Variants in ATP2B2 observed in about 807,000 individuals in gnomAD.
ATP2B2 encodes the protein plasma membrane calcium-transporting ATPase 2.
A neutral mutation model predicts 120.0 loss-of-function variants in ATP2B2; 15 were observed. The observed-to-expected ratio is 0.12, with a 90% CI of 0.08 to 0.19. ATP2B2 has a LOEUF of 0.19. Among genes scored for constraint, ATP2B2 ranks in the 10% least tolerant of loss-of-function variants. The pLI is 1.00. For missense variants in ATP2B2, 1,045 were observed against 1,719.8 expected, an observed-to-expected ratio of 0.61 and a Z score of 6.94; for synonymous variants, 694 against 700.3, an observed-to-expected ratio of 0.99 and a Z score of 0.14.
intron 1 of ATP2B2, among the ~76,000 whole-genome samples, chr3:10,479,075 A>G (rs1400127857): frequency 7.0e-6 from 1 of 143,832 alleles, no homozygotes; most frequent in Non-Finnish European, 1.5e-5. Flanking sequence ...AGGAACTGTG[A>G]GTCAATTAAA....
At chr3:10,558,426 G>A (rs1248029220) in intron 2 of ATP2B2, among the ~76,000 whole-genome samples, 1 of 152,136 alleles carries the variant, frequency 6.6e-6, no homozygotes, top group African/African-American at 2.4e-5. Flanking sequence ...GCTAAGCTAG[G>A]AAGTCACCTA....
At chr3:10,404,663 G>A (rs536337103) in intron 3 of ATP2B2, among the ~76,000 whole-genome samples, 1 of 152,320 alleles carries the variant, frequency 6.6e-6, no homozygotes, top group African/African-American at 2.4e-5. Flanking sequence ...TACAGAAGGA[G>A]CTCCTGCTGG....
intron 2 of ATP2B2, among the ~76,000 whole-genome samples, chr3:10,601,469 TGA>T (rs1289610533): frequency 2.0e-5 from 3 of 152,172 alleles, no homozygotes; most frequent in African/African-American, 7.2e-5. Flanking sequence ...AGGCTGGCTG[TGA>T]GAGTCTCCCC....
intron 1 of ATP2B2, among the ~76,000 whole-genome samples, chr3:10,462,458 A>T (rs1185078000): frequency 6.6e-6 from 1 of 152,198 alleles, no homozygotes; most frequent in African/African-American, 2.4e-5. Context: ...CTCTAGCCTT[A>T]CATCCTCCTT....
At chr3:10,394,460 C>T (rs756434279) in intron 5 of ATP2B2, 3 of 471,126 alleles carry the variant, frequency 6.4e-6, no homozygotes, top group Admixed American at 2.3e-5. Context: ...CAGGGTCACA[C>T]AGCTGTGAGT....
rs759387654 is a variant in ATP2B2 at position 10,358,826 on chromosome 3, A to G, written c.2001T>C (p.Asp667=). ...VKKVIEPMAC[D]GLRTICVAYR... ...AGGCCACGCAGATAGTGCGGAGCCC[A>G]TCGCAAGCCATGGGCTCAATCACCT... Residue 667 remains aspartate (D), a synonymous_variant, in exon 14 of 23, where the codon GAT becomes GAC. Coordinates refer to ENST00000360273, the MANE Select transcript of ATP2B2 (RefSeq NM_001001331.4). 6.2e-7 allele frequency: 1 copy of G among 1,614,204 alleles called. No individual in the cohort carries two copies. Among genetic ancestry groups the G allele is most frequent in the East Asian group, 2.2e-5 (1 of 44,878 alleles).
chr3:10,518,848 G>A (rs984446158), intron 3 of ATP2B2, among the ~76,000 whole-genome samples: 6 of 152,186 alleles, frequency 3.9e-5, no homozygotes, highest in African/African-American at 1.4e-4. Flanking sequence ...CAGGGATTTT[G>A]TTCTGTGTGG....
At chr3:10,607,475 G>A (rs1308717106) in intron 2 of ATP2B2, among the ~76,000 whole-genome samples, 1 of 152,182 alleles carries the variant, frequency 6.6e-6, no homozygotes, top group Admixed American at 6.5e-5. Flanking sequence ...GGTGAGCCAA[G>A]GCAGTGCCCC....
chr3:10,504,701 C>A (rs2066542769), intron 1 of ATP2B2, among the ~76,000 whole-genome samples: 1 of 152,160 alleles, frequency 6.6e-6, no homozygotes, highest in Non-Finnish European at 1.5e-5. Context: ...ATTTTCCCAT[C>A]CTGACCCTGC....
At chr3:10,371,296 G>T (rs1345880145) in intron 12 of ATP2B2, among the ~76,000 whole-genome samples, 1 of 152,220 alleles carries the variant, frequency 6.6e-6, no homozygotes, top group African/African-American at 2.4e-5. Flanking sequence ...GACCACACAG[G>T]GCAGGGATGA....
At chr3:10,488,511 C>CTTCT (rs1289173628) in intron 1 of ATP2B2, among the ~76,000 whole-genome samples, 1 of 75,798 alleles carries the variant, frequency 1.3e-5, no homozygotes, top group African/African-American at 4.3e-5. Context: ...TCCTTCGTTC[C>CTTCT]TTCCTTCCTT....
intron 2 of ATP2B2, among the ~76,000 whole-genome samples, chr3:10,414,543 G>A (rs2062717794): frequency 6.6e-6 from 1 of 152,208 alleles, no homozygotes; most frequent in Admixed American, 6.5e-5. Context: ...CAGCTCCTGT[G>A]GGGGAATGTG....
intron 1 of ATP2B2, among the ~76,000 whole-genome samples, chr3:10,666,660 A>T (rs1161879824): frequency 2.6e-5 from 4 of 152,232 alleles, no homozygotes; most frequent in Non-Finnish European, 5.9e-5. Context: ...AGCACATAGT[A>T]AGATGGGTGG....
chr3:10,441,003 C>T (rs34862), intron 2 of ATP2B2, among the ~76,000 whole-genome samples: 136,690 of 152,316 alleles, frequency 0.9, 61,575 homozygotes, highest in African/African-American at 0.94. Context: ...TCTAGTATCA[C>T]AGCTATAACT....
At position 10,444,760 on chromosome 3, in the gene ATP2B2, C is replaced by T. The variant is rs576840568; in HGVS notation, c.199+4585G>A. On this transcript the variant is annotated intron_variant, in intron 2 of 22. Coordinates refer to ENST00000360273, the MANE Select transcript of ATP2B2 (RefSeq NM_001001331.4). Reference sequence around the variant, plus strand: ...TGTGCAATGGCTCAGGGCAGCGCAACGCTGGGCTCAGGGAACTGGAGCCAT... The same window carrying T: ...TGTGCAATGGCTCAGGGCAGCGCAATGCTGGGCTCAGGGAACTGGAGCCAT... Among the ~76,000 whole-genome samples, 169 of 152,340 alleles carry T rather than the reference C, an allele frequency of 1.1e-3. 1 individual carries two copies. The highest frequency in any genetic ancestry group is 8.1e-4 in the Non-Finnish European group (55 of 68,032).
At chr3:10,652,283 G>A (rs943771115) in intron 1 of ATP2B2, among the ~76,000 whole-genome samples, 2 of 152,206 alleles carry the variant, frequency 1.3e-5, no homozygotes, top group Non-Finnish European at 2.9e-5. Context: ...AAGCAGAAAG[G>A]TTTTCACCAT....
chr3:10,518,750 G>A (rs893403604), intron 3 of ATP2B2, among the ~76,000 whole-genome samples: 1 of 152,214 alleles, frequency 6.6e-6, no homozygotes, highest in African/African-American at 2.4e-5. Flanking sequence ...TTCTTTGAAA[G>A]CTCCTTTCAC....
intron 1 of ATP2B2, among the ~76,000 whole-genome samples, chr3:10,629,892 G>A (rs1259905951): frequency 1.3e-5 from 2 of 152,234 alleles, no homozygotes; most frequent in East Asian, 1.9e-4. Flanking sequence ...TATCGATGCT[G>A]TGCGTGTGGA....
rs1160046956 is a variant in ATP2B2 at position 10,375,731 on chromosome 3, CG to C, written c.1202-88del. 3 of 1,258,906 alleles carry C rather than the reference CG, an allele frequency of 2.4e-6. No individual in the cohort carries two copies. Among genetic ancestry groups the C allele is most frequent in the African/African-American group, 3.0e-5 (2 of 67,406 alleles). 78.0% of individuals were successfully genotyped at this position (1,258,906 alleles called of 1,614,324 possible). A position where few individuals can be genotyped will look rare whatever the true frequency, so the allele number is the denominator to read the frequency against. ...ACCAAATCTTTGGCTGAAAGAGCTC[CG>C]GGTCAGGCTGACCCCAGCTCACCTC... On this transcript the variant is annotated intron_variant, in intron 10 of 22. Transcript: ENST00000360273. The surrounding 1 kb of genome is among the most constrained non-coding windows in gnomAD (Gnocchi z 4.2).
Sources: gnomAD v4.1 joint callset for allele counts (sites outside exome capture counted in the v4.1 genomes callset) on GRCh38, gnomAD v4.1.1 for gene constraint, Gnocchi (gnomAD v3.1) non-coding constraint, MANE v1.5 for transcripts, NCBI Gene and HGNC (gene_info 2026-07-23, HGNC 2026-07-21) for gene names.